The following CNTN4 variants were observed in gnomAD, a reference collection of about 807,000 sequenced individuals.
The protein encoded by CNTN4 is contactin-4.
Under a neutral mutation model 122.5 loss-of-function variants are expected in CNTN4, and 77 were observed. The ratio of observed to expected loss-of-function variants is 0.63; its 90% CI spans 0.52 to 0.76. The LOEUF (loss-of-function observed/expected upper bound fraction) is 0.76, where lower values mean the gene tolerates loss of function less well. CNTN4 is among the 30% of genes least tolerant of loss of function. CNTN4 has a pLI of 0.00. For missense variants in CNTN4, 1,256 were observed against 1,259.1 expected (o/e 1.00, Z 0.04); for synonymous variants, 512 against 447.0 (o/e 1.15, Z -1.83).
chr3:2,496,585 C>T (rs1294053661), intron 3 of CNTN4, among the ~76,000 whole-genome samples: 2 of 152,076 alleles, frequency 1.3e-5, no homozygotes, highest in Admixed American at 1.3e-4. Flanking sequence ...TGGAGATAGG[C>T]TCTGTGATGG....
chr3:2,517,325 T>A (rs988165751), intron 3 of CNTN4, among the ~76,000 whole-genome samples: 3 of 152,156 alleles, frequency 2.0e-5, no homozygotes, highest in African/African-American at 7.2e-5. Context: ...TATGTATTTA[T>A]GGAAACTATA....
intron 6 of CNTN4, among the ~76,000 whole-genome samples, chr3:2,799,772 A>G (rs1576839185): frequency 6.6e-6 from 1 of 152,300 alleles, no homozygotes; most frequent in East Asian, 1.9e-4. Context: ...ATAGTAGGTA[A>G]TACTAAGCCT....
intron 3 of CNTN4, among the ~76,000 whole-genome samples, chr3:2,556,558 C>G (rs2078728896): frequency 6.6e-6 from 1 of 151,996 alleles, no homozygotes; most frequent in Non-Finnish European, 1.5e-5. Context: ...TTCTTCCACA[C>G]AACAAATTAT....
intron 12 of CNTN4, among the ~76,000 whole-genome samples, chr3:2,905,389 C>G (rs964428786): frequency 6.6e-6 from 1 of 152,206 alleles, no homozygotes; most frequent in Admixed American, 6.5e-5. Flanking sequence ...AGTCCCCCTT[C>G]TGGGTTGCAG....
At chr3:2,287,266 A>C (rs1396712778) in intron 2 of CNTN4, among the ~76,000 whole-genome samples, 1 of 152,160 alleles carries the variant, frequency 6.6e-6, no homozygotes, top group African/African-American at 2.4e-5. Flanking sequence ...AGTTTTTTTC[A>C]TAGCACATTT....
chr3:2,207,917 T>C (rs559539361), intron 2 of CNTN4, among the ~76,000 whole-genome samples: 9 of 152,220 alleles, frequency 5.9e-5, no homozygotes, highest in Non-Finnish European at 1.0e-4. Context: ...CCAATGCTCA[T>C]TGACCATTCT....
At chr3:2,949,064 A>C (rs1440278069) in intron 13 of CNTN4, among the ~76,000 whole-genome samples, 1 of 151,986 alleles carries the variant, frequency 6.6e-6, no homozygotes, top group Non-Finnish European at 1.5e-5. Flanking sequence ...GCTGCTAGCT[A>C]GCTCTTTCTC....
chr3:2,170,192 C>T (rs1422954396), intron 2 of CNTN4, among the ~76,000 whole-genome samples: 21 of 139,710 alleles, frequency 1.5e-4, no homozygotes, highest in Admixed American at 3.5e-4. Flanking sequence ...GTGGTGGCGG[C>T]GCCTGTAGTC....
chr3:2,785,607 T>G lies in CNTN4; in HGVS notation c.359-33879T>G, dbSNP rs192528494. 1.4e-3 allele frequency among the ~76,000 whole-genome samples: 214 copies of G among 152,112 alleles called. 1 individual carries two copies. Among genetic ancestry groups the G allele is most frequent in the African/African-American group, 4.9e-3 (204 of 41,534 alleles). ...AATGTTTAACACAAACAAGTTACAG[T>G]GAAAATACAACTGGTTTTGTGATAG... On this transcript the variant is annotated intron_variant, in intron 6 of 24. Coordinates refer to ENST00000418658, the MANE Select transcript of CNTN4 (RefSeq NM_175607.3).
At chr3:2,128,272 A>G (rs1215397884) in intron 2 of CNTN4, among the ~76,000 whole-genome samples, 1 of 152,204 alleles carries the variant, frequency 6.6e-6, no homozygotes, top group African/African-American at 2.4e-5. Context: ...CTACTTTTTT[A>G]AACTGGCCAA....
At chr3:2,105,621 A>G (rs141511102) in intron 2 of CNTN4, among the ~76,000 whole-genome samples, 1 of 152,176 alleles carries the variant, frequency 6.6e-6, no homozygotes, top group Non-Finnish European at 1.5e-5. Flanking sequence ...TCCACAATGC[A>G]ATCACCTCCT....
chr3:2,371,075 G>A (rs1575483277), intron 3 of CNTN4, among the ~76,000 whole-genome samples: 2 of 152,286 alleles, frequency 1.3e-5, no homozygotes, highest in South Asian at 2.1e-4. Flanking sequence ...GATGGAAGTG[G>A]GAGAATGTGT....
rs534236931 is a variant in CNTN4, at chr3:2,345,744, G to C, written c.-89+6511G>C. On this transcript the variant is annotated intron_variant, in intron 3 of 24. Coordinates refer to ENST00000418658, the MANE Select transcript of CNTN4 (RefSeq NM_175607.3). Reference sequence around the variant, plus strand: ...AGGAAAGGAAGAGAATATTATGATCGAGAAGCAGAGCTTATAGTTCCGCAC... The same window carrying C: ...AGGAAAGGAAGAGAATATTATGATCCAGAAGCAGAGCTTATAGTTCCGCAC... Among the ~76,000 whole-genome samples, 6 of 152,242 alleles carry C rather than the reference G, an allele frequency of 3.9e-5. No homozygotes were observed. In the South Asian group the frequency reaches 1.2e-3, roughly 32 times the overall value.
intron 4 of CNTN4, among the ~76,000 whole-genome samples, chr3:2,696,691 A>T (rs533150057): frequency 6.6e-6 from 1 of 152,328 alleles, no homozygotes; most frequent in South Asian, 2.1e-4. Flanking sequence ...GTTATAAATC[A>T]ATGTCAAGTT....
intron 14 of CNTN4, among the ~76,000 whole-genome samples, chr3:2,996,035 A>T (rs1369690812): frequency 6.6e-6 from 1 of 152,172 alleles, no homozygotes; most frequent in Non-Finnish European, 1.5e-5. Context: ...TAAAATTAGT[A>T]ATATAAAATA....
chr3:2,270,346 A>T (rs1378705891), intron 2 of CNTN4, among the ~76,000 whole-genome samples: 1 of 152,044 alleles, frequency 6.6e-6, no homozygotes, highest in African/African-American at 2.4e-5. Flanking sequence ...TGGTGTACAG[A>T]TTATTTTGTC....
At chr3:2,824,276 A>G (rs1035951854) in intron 7 of CNTN4, among the ~76,000 whole-genome samples, 1 of 152,036 alleles carries the variant, frequency 6.6e-6, no homozygotes, top group African/African-American at 2.4e-5. Context: ...AGCCTGGCCA[A>G]CATAGAGAAA....
intron 13 of CNTN4, among the ~76,000 whole-genome samples, chr3:2,957,073 T>C (rs1363259871): frequency 6.6e-6 from 1 of 152,210 alleles, no homozygotes; most frequent in Non-Finnish European, 1.5e-5. Flanking sequence ...ATCTTGGCTA[T>C]TGTGAATAAT....
At chr3:2,890,724 C>A (rs1481435388) in intron 10 of CNTN4, among the ~76,000 whole-genome samples, 4 of 152,150 alleles carry the variant, frequency 2.6e-5, no homozygotes, top group Non-Finnish European at 5.9e-5. Context: ...CTACTGTAGC[C>A]ATGTCTTTAA....
Sources: allele counts gnomAD v4.1 joint callset (sites outside exome capture counted in the v4.1 genomes callset), GRCh38; gene constraint gnomAD v4.1.1; transcripts MANE v1.5; gene names NCBI Gene and HGNC (gene_info 2026-07-23, HGNC 2026-07-21).